XKR4: variants seen among roughly 807,000 people sequenced by gnomAD.
XKR4 encodes XK-related protein 4.
XKR4 carries 12 observed loss-of-function variants against 53.9 expected under a neutral mutation model. The observed-to-expected ratio is 0.22, with a 90% CI of 0.14 to 0.36. The LOEUF is 0.36. Ranked by LOEUF, XKR4 falls within the 10% of genes least tolerant of loss-of-function variation. The pLI, the probability that XKR4 is intolerant of heterozygous loss-of-function variation, is 1.00. For missense variants in XKR4, 799 were observed against 859.5 expected (o/e 0.93, Z 0.88); for synonymous variants, 354 against 362.4 (o/e 0.98, Z 0.26).
rs139019758 is a variant in XKR4 at position 55,471,510 on chromosome 8, G to T, written c.1007-51771G>T. Among the ~76,000 whole-genome samples the T allele has an allele frequency of 5.9e-3, 905 of 152,238 alleles. 15 individuals are homozygous for T. Among genetic ancestry groups the T allele is most frequent in the African/African-American group, 0.02 (844 of 41,506 alleles). ...ACCAAGCCCTCCCAGGGATTCTGGT[G>T]TTCACTAACATGTGAAGGCCATGGA... is the stretch of plus-strand genomic sequence containing the variant. On this transcript the variant is annotated intron_variant, in intron 2 of 2. Transcript: ENST00000327381.
At chr8:55,343,830 C>G (rs1406915680) in intron 1 of XKR4, among the ~76,000 whole-genome samples, 1 of 152,126 alleles carries the variant, frequency 6.6e-6, no homozygotes, top group East Asian at 1.9e-4. Flanking sequence ...TCTTCTTCCC[C>G]TAGAATGGAT....
chr8:55,113,147 T>C (rs1192335268), intron 1 of XKR4, among the ~76,000 whole-genome samples: 2 of 152,134 alleles, frequency 1.3e-5, no homozygotes, highest in Non-Finnish European at 2.9e-5. Flanking sequence ...AAGGATATAA[T>C]ATCTACCTAC....
At chr8:55,254,694 C>G (rs1353362070) in intron 1 of XKR4, among the ~76,000 whole-genome samples, 1 of 152,144 alleles carries the variant, frequency 6.6e-6, no homozygotes, top group Non-Finnish European at 1.5e-5. Context: ...TTCGGGGAAC[C>G]CTAGAACCGC....
chr8:55,291,912 T>C (rs1819027173), intron 1 of XKR4, among the ~76,000 whole-genome samples: 1 of 152,162 alleles, frequency 6.6e-6, no homozygotes, highest in Admixed American at 6.5e-5. Context: ...TAGAATTTTG[T>C]CAAATGCTTT....
intron 1 of XKR4, among the ~76,000 whole-genome samples, chr8:55,339,295 C>A (rs568309680): frequency 6.6e-6 from 1 of 152,152 alleles, no homozygotes; most frequent in African/African-American, 2.4e-5. Flanking sequence ...CGTGATCTAA[C>A]CCCCCTACAG....
intron 1 of XKR4, among the ~76,000 whole-genome samples, chr8:55,192,510 T>G (rs1585929768): frequency 6.6e-6 from 1 of 152,200 alleles, no homozygotes; most frequent in Admixed American, 6.5e-5. Context: ...GAAAAGAAAG[T>G]CCAACTTTTT....
intron 1 of XKR4, among the ~76,000 whole-genome samples, chr8:55,166,320 C>A (rs1046348980): frequency 1.3e-5 from 2 of 152,192 alleles, no homozygotes; most frequent in African/African-American, 4.8e-5. Context: ...CCAGCACCAT[C>A]CTTCTGCTGA....
intron 2 of XKR4, among the ~76,000 whole-genome samples, chr8:55,408,981 T>C (rs2129390910): frequency 7.5e-6 from 1 of 133,030 alleles, no homozygotes; most frequent in Non-Finnish European, 1.5e-5. Flanking sequence ...CACTCCAGCC[T>C]GGACGACAGA....
chr8:55,494,574 A>T (rs1046930600), intron 2 of XKR4, among the ~76,000 whole-genome samples: 1 of 152,088 alleles, frequency 6.6e-6, no homozygotes, highest in Non-Finnish European at 1.5e-5. Context: ...AGGAGACCCA[A>T]AGTGGGTAGC....
At chr8:55,449,803 C>T in intron 2 of XKR4, 16 of 1,204,584 alleles carry the variant, frequency 1.3e-5, no homozygotes, top group Middle Eastern at 3.9e-4. Context: ...TCATGAAGGC[C>T]CCCTTCTTGT....
At chr8:55,370,765 C>T (rs552272940) in intron 2 of XKR4, among the ~76,000 whole-genome samples, 7 of 152,232 alleles carry the variant, frequency 4.6e-5, no homozygotes, top group South Asian at 4.2e-4. Context: ...AAAATTCCGT[C>T]GAGATGCAAA....
intron 2 of XKR4, among the ~76,000 whole-genome samples, chr8:55,425,100 C>T (rs1172375540): frequency 6.6e-6 from 1 of 152,140 alleles, no homozygotes; most frequent in African/African-American, 2.4e-5. Context: ...CTCATCAAGC[C>T]CTATTGTCTT....
At position 55,541,462 on chromosome 8, in the gene XKR4, G is replaced by A. The variant is rs1468700840; in HGVS notation, c.*17235G>A. The stretch of plus-strand genomic sequence containing the variant: ...GGTGGCAGGTGAACAGCAAATGGAA[G>A]AGAATGGACCAGTAATTTCTCAGTC... On this transcript the variant is annotated 3_prime_UTR_variant, in exon 3 of 3. Coordinates refer to ENST00000327381, the MANE Select transcript of XKR4 (RefSeq NM_052898.2). The A allele has an allele frequency of 6.6e-6, 1 of 152,146 alleles. No individual in the cohort carries two copies. The highest frequency in any genetic ancestry group is 1.9e-4 in the East Asian group (1 of 5,202). The allele number at this position is 152,146 out of a possible 1,614,324, so 9.4% of individuals were successfully genotyped here. A position where few individuals can be genotyped will look rare whatever the true frequency, so the allele number is the denominator to read the frequency against.
chr8:55,220,544 G>A (rs1036259926), intron 1 of XKR4, among the ~76,000 whole-genome samples: 17 of 152,228 alleles, frequency 1.1e-4, no homozygotes, highest in Non-Finnish European at 2.2e-4. Flanking sequence ...TCCTGAGCCT[G>A]TAGTCATCAA....
At chr8:55,387,867 C>T (rs1035339070) in intron 2 of XKR4, among the ~76,000 whole-genome samples, 1 of 152,136 alleles carries the variant, frequency 6.6e-6, no homozygotes, top group East Asian at 1.9e-4. Flanking sequence ...TGTTCCCACT[C>T]AGAATGGAAC....
rs1807036765 is a variant in XKR4, at chr8:55,536,704, G to A, written c.*12477G>A. ...TTGTTGTGCCAAGAGAAATAATGCA[G>A]AACAAATGTTATTTAATTTTTATTT... On this transcript the variant is annotated 3_prime_UTR_variant, in exon 3 of 3. Transcript: ENST00000327381. The A allele has an allele frequency of 6.6e-6, 1 of 152,218 alleles. No homozygotes were observed. Among genetic ancestry groups the A allele is most frequent in the East Asian group, 1.9e-4 (1 of 5,202 alleles). The allele number at this position is 152,218 out of a possible 1,614,324, so 9.4% of individuals were successfully genotyped here. A position where few individuals can be genotyped will look rare whatever the true frequency, so the allele number is the denominator to read the frequency against.
chr8:55,164,332 A>C (rs1483025712), intron 1 of XKR4: 1 of 454,914 alleles, frequency 2.2e-6, no homozygotes, highest in Non-Finnish European at 4.4e-6. Flanking sequence ...TTGGAGGGTG[A>C]GATGACCCCT....
chr8:55,405,568 G>C (rs557039905), intron 2 of XKR4, among the ~76,000 whole-genome samples: 1 of 152,312 alleles, frequency 6.6e-6, no homozygotes, highest in Admixed American at 6.5e-5. Flanking sequence ...TATGGCATTT[G>C]ACTCTAAGCA....
intron 1 of XKR4, among the ~76,000 whole-genome samples, chr8:55,255,974 A>T (rs905750233): frequency 6.6e-6 from 1 of 151,490 alleles, no homozygotes; most frequent in Non-Finnish European, 1.5e-5. Flanking sequence ...GATTTGTGCA[A>T]TGATAGAGGT....
Sources: gnomAD v4.1 joint callset for allele counts (sites outside exome capture counted in the v4.1 genomes callset) on GRCh38, gnomAD v4.1.1 for gene constraint, MANE v1.5 for transcripts, NCBI Gene and HGNC (gene_info 2026-07-23, HGNC 2026-07-21) for gene names.